The following RAB44 variants were observed in gnomAD, a reference collection of about 807,000 sequenced individuals.
The protein encoded by RAB44 is ras-related protein Rab-44.
Under a neutral mutation model 93.3 loss-of-function variants are expected in RAB44, and 67 were observed. The observed-to-expected ratio is 0.72, with a 90% CI of 0.59 to 0.88. RAB44 has a LOEUF of 0.88. Ranked by LOEUF, RAB44 falls within the 40% of genes least tolerant of loss-of-function variation. The probability of loss-of-function intolerance (pLI) is 0.00; values close to 1 mark genes in which losing one functional copy is unlikely to be tolerated. For synonymous variants in RAB44, 427 were observed against 520.3 expected (o/e 0.82, Z 2.44); for missense variants, 1,064 against 1,261.7 (o/e 0.84, Z 2.37).
Position 36,720,531 on chromosome 6 carries a change from C to A in RAB44, c.997C>A (p.Gln333Lys). The change falls in exon 8 of 14, where the codon CAG (glutamine) becomes AAG (lysine). Residue 333 changes from glutamine (Q) to lysine (K), a missense_variant. Gln to Lys is a moderately conservative substitution (Grantham distance 53, BLOSUM62 1). Coordinates refer to ENST00000612677, the MANE Select transcript of RAB44 (RefSeq NM_001257357.2). ...CGCCGCCAGGGGCCGGGTGTCCTGG[C>A]AGGTGGAGGAGAAACTGAGGCAAGT... ...LDAARGRVSW[Q>K]VEEKLSFPGA... is the part of the protein sequence containing the mutation. 4.1e-6 allele frequency: 5 copies of A among 1,233,970 alleles called. No individual in the cohort carries two copies. The highest frequency in any genetic ancestry group is 5.1e-6 in the Non-Finnish European group (5 of 988,198). The allele number at this position is 1,233,970 out of a possible 1,614,324, so 76.4% of individuals were successfully genotyped here. A position where few individuals can be genotyped will look rare whatever the true frequency, so the allele number is the denominator to read the frequency against.
intron 6 of RAB44, 125 bp from the exon 7 acceptor site, chr6:36,718,367 AC>A: frequency 2.1e-6 from 1 of 478,180 alleles, no homozygotes; most frequent in Non-Finnish European, 3.3e-6. Flanking sequence ...TGTCCTGAGA[AC>A]CCTCCCTGCT....
At chr6:36,723,577 T>C (rs1763152065) in intron 9 of RAB44, among the ~76,000 whole-genome samples, 1 of 151,948 alleles carries the variant, frequency 6.6e-6, no homozygotes, top group Admixed American at 6.6e-5. Flanking sequence ...GGCTCACACC[T>C]GTAATCCCAA....
Position 36,715,613 on chromosome 6 carries a change from G to A in RAB44, c.454G>A (p.Ala152Thr), listed in dbSNP as rs1461636454. The A allele has an allele frequency of 6.5e-7, 1 of 1,536,186 alleles. No individual in the cohort carries two copies. The highest frequency in any genetic ancestry group is 8.7e-7 in the Non-Finnish European group (1 of 1,146,926). Residue 152 changes from alanine (A) to threonine (T), a missense_variant, in exon 4 of 14, where the codon GCC becomes ACC. Ala to Thr is a moderately conservative substitution (Grantham distance 58, BLOSUM62 0). Coordinates refer to ENST00000612677, the MANE Select transcript of RAB44 (RefSeq NM_001257357.2). ...ADAEEKEAFL[A>T]FMEQLGTGHL... ...TGCTGAGGAGAAGGAGGCGTTCCTT[G>A]CCTTCATGGAGCAGCTGGGGACTGG...
chr6:36,699,517 C>T (rs1033220256), intron 1 of RAB44, among the ~76,000 whole-genome samples: 5 of 152,152 alleles, frequency 3.3e-5, no homozygotes, highest in Admixed American at 1.3e-4. Flanking sequence ...TGGGCGTCAC[C>T]ACAGGAGCCA....
Position 36,722,782 on chromosome 6 carries a change from C to G in RAB44, c.2599+49C>G, listed in dbSNP as rs375696209. The G allele has an allele frequency of 2.6e-6, 4 of 1,545,786 alleles. No homozygotes were observed. The South Asian group carries it at 3.6e-5, about 14-fold the overall frequency. On this transcript the variant is annotated intron_variant, in intron 9 of 13. Transcript: ENST00000612677. ...AGGGAGCAAGGAGAGACGCAGGGGC[C>G]AGGGCCAACGAGTGAGAGCGGGCCC...
At position 36,712,661 on chromosome 6, in the gene RAB44, G is replaced by A. The variant is rs543603294; in HGVS notation, c.208-1167G>A. Among the ~76,000 whole-genome samples, 32 of 152,146 alleles carry A rather than the reference G, an allele frequency of 2.1e-4. No individual in the cohort carries two copies. The South Asian group carries it at 5.6e-3, about 27-fold the overall frequency. On this transcript the variant is annotated intron_variant, in intron 2 of 13. Coordinates refer to ENST00000612677, the MANE Select transcript of RAB44 (RefSeq NM_001257357.2). ...ATTACAGGTGTGAGCCACTGCACCC[G>A]GCCTGGAATTCTTAACTAATTTGAG... is the stretch of plus-strand genomic sequence containing the variant.
Position 36,715,560 on chromosome 6 carries a change from C to G in RAB44, c.401C>G (p.Thr134Ser), listed in dbSNP as rs898389877. The change falls in exon 4 of 14, where the codon ACC (threonine) becomes AGC (serine). Residue 134 changes from threonine to serine, a missense_variant. By Grantham distance (58) the Thr-to-Ser change is moderately conservative. Coordinates refer to ENST00000612677, the MANE Select transcript of RAB44 (RefSeq NM_001257357.2). Reference protein sequence around the residue: ...PLPSKRVSATTSFPALEEADA... With the variant: ...PLPSKRVSATSSFPALEEADA... Reference sequence around the variant, plus strand: ...CCCTCTAAGCGGGTATCTGCTACCACCAGCTTCCCAGCTCTGGAGGAGGCG... The same window carrying G: ...CCCTCTAAGCGGGTATCTGCTACCAGCAGCTTCCCAGCTCTGGAGGAGGCG... 2 of 1,536,186 alleles carry G rather than the reference C, an allele frequency of 1.3e-6. No homozygotes were observed. The highest frequency in any genetic ancestry group is 1.7e-6 in the Non-Finnish European group (2 of 1,146,908).
intron 3 of RAB44, 79 bp from the exon 4 acceptor site, chr6:36,715,400 C>T: frequency 7.5e-7 from 1 of 1,337,570 alleles, no homozygotes; most frequent in Non-Finnish European, 1.0e-6. Flanking sequence ...TCCCTGAGGG[C>T]TGGACCAGGG....
intron 2 of RAB44, among the ~76,000 whole-genome samples, chr6:36,706,925 G>A (rs1232705263): frequency 6.6e-6 from 1 of 152,054 alleles, no homozygotes; most frequent in African/African-American, 2.4e-5. Flanking sequence ...GCAGGGTTGC[G>A]GGTTTCTCCA....
chr6:36,714,470 C>A (rs1762866470), intron 3 of RAB44, among the ~76,000 whole-genome samples: 1 of 152,234 alleles, frequency 6.6e-6, no homozygotes, highest in South Asian at 2.1e-4. Context: ...AGAGCCCCTG[C>A]AAGACACAGA....
At chr6:36,707,960 C>T (rs1022806707) in intron 2 of RAB44, among the ~76,000 whole-genome samples, 15 of 152,006 alleles carry the variant, frequency 9.9e-5, no homozygotes, top group African/African-American at 3.6e-4. Context: ...CCTGTAATAC[C>T]AGGACTTTGG....
chr6:36,701,203 G>A (rs1335827202), intron 1 of RAB44, among the ~76,000 whole-genome samples: 1 of 152,128 alleles, frequency 6.6e-6, no homozygotes, highest in Non-Finnish European at 1.5e-5. Flanking sequence ...TCTGCCTCTT[G>A]GGTTCAAGTG....
In RAB44 at chr6:36,717,301, C is replaced by CAGCT. The variant is rs1762944947; in HGVS notation, c.524_527dup (p.Arg177AlafsTer41). ...GATGGAAATCTGGCAACTGTGGGGG[C>CAGCT]AGCTGCGGCAGGAGGAGCCCCAGCT... is the stretch of plus-strand genomic sequence containing the variant. On this transcript the variant is annotated frameshift_variant, in exon 5 of 14. Coordinates refer to ENST00000612677, the MANE Select transcript of RAB44 (RefSeq NM_001257357.2). LOFTEE classifies it high-confidence loss of function. This position sits in a 1 kb window ranked among gnomAD's most constrained non-coding sequence, Gnocchi z 4.1. 8.1e-7 allele frequency: 1 copy of CAGCT among 1,232,020 alleles called. No homozygotes were observed. Among genetic ancestry groups the CAGCT allele is most frequent in the East Asian group, 3.2e-5 (1 of 31,724 alleles). The allele number at this position is 1,232,020 out of a possible 1,614,324, so 76.3% of individuals were successfully genotyped here. A position where few individuals can be genotyped will look rare whatever the true frequency, so the allele number is the denominator to read the frequency against.
At chr6:36,728,582 G>A in intron 11 of RAB44, 118 bp from the exon 12 acceptor site, 1 of 738,654 alleles carries the variant, frequency 1.4e-6, no homozygotes, top group Non-Finnish European at 2.4e-6. Context: ...AGGTTATGGA[G>A]TGGATGTGGC....
chr6:36,725,269 G>A (rs1417825698), intron 9 of RAB44, among the ~76,000 whole-genome samples: 3 of 152,096 alleles, frequency 2.0e-5, no homozygotes, highest in Admixed American at 1.3e-4. Context: ...TCCGCCTCCC[G>A]GGTTCAAGTG....
At chr6:36,725,177 T>C (rs1380251091) in intron 9 of RAB44, among the ~76,000 whole-genome samples, 1 of 147,230 alleles carries the variant, frequency 6.8e-6, no homozygotes, top group Non-Finnish European at 1.5e-5. Flanking sequence ...TAAAACAGCA[T>C]TTTTTTTTTT....
chr6:36,719,686 G>A (rs1763020297), intron 7 of RAB44, among the ~76,000 whole-genome samples: 1 of 152,242 alleles, frequency 6.6e-6, no homozygotes, highest in Admixed American at 6.5e-5. Flanking sequence ...GGGAGTCAAG[G>A]AAGGCCTGGC....
chr6:36,715,102 A>AATATATATATATATAT lies in RAB44; in HGVS notation c.320-376_320-361dup, dbSNP rs3046039. Among the ~76,000 whole-genome samples the AATATATATATATATAT allele has an allele frequency of 3.0e-4, 45 of 148,296 alleles. 1 individual carries two copies. The highest frequency in any genetic ancestry group is 1.1e-3 in the African/African-American group (42 of 38,876). On this transcript the variant is annotated intron_variant, in intron 3 of 13. Coordinates refer to ENST00000612677, the MANE Select transcript of RAB44 (RefSeq NM_001257357.2). The stretch of plus-strand genomic sequence containing the variant: ...TGGCTCACTTAGCAAGTTGGCTTAA[A>AATATATATATATATAT]ATATATATATATATATTCTTTTCAA...
Position 36,717,569 on chromosome 6 carries a change from G to T in RAB44, c.641+150G>T. Reference sequence around the variant, plus strand: ...CGCTGGAGGAAGAGGTGGCTCAGGGGACCGGGTGGGGAGGACAGAGTTGGT... The same window carrying T: ...CGCTGGAGGAAGAGGTGGCTCAGGGTACCGGGTGGGGAGGACAGAGTTGGT... On this transcript the variant is annotated intron_variant, in intron 5 of 13. Coordinates refer to ENST00000612677, the MANE Select transcript of RAB44 (RefSeq NM_001257357.2). The surrounding 1 kb of genome is among the most constrained non-coding windows in gnomAD (Gnocchi z 4.1). 1.1e-6 allele frequency: 1 copy of T among 910,778 alleles called. No homozygotes were observed. Among genetic ancestry groups the T allele is most frequent in the Non-Finnish European group, 1.4e-6 (1 of 695,682 alleles). The allele number at this position is 910,778 out of a possible 1,614,324, so 56.4% of individuals were successfully genotyped here.
Sources: gnomAD v4.1 joint callset for allele counts (sites outside exome capture counted in the v4.1 genomes callset) on GRCh38, gnomAD v4.1.1 for gene constraint, Gnocchi (gnomAD v3.1) non-coding constraint, MANE v1.5 for transcripts, NCBI Gene and HGNC (gene_info 2026-07-23, HGNC 2026-07-21) for gene names.